CAMTA1: variants seen among roughly 807,000 people sequenced by gnomAD.
CAMTA1 encodes the protein calmodulin-binding transcription activator 1.
A neutral mutation model predicts 170.9 loss-of-function variants in CAMTA1; 27 were observed. The observed-to-expected ratio is 0.16, with a 90% CI of 0.12 to 0.22. The LOEUF is 0.22. Ranked by LOEUF, CAMTA1 falls within the 10% of genes least tolerant of loss-of-function variation. The pLI, the probability that CAMTA1 is intolerant of heterozygous loss-of-function variation, is 1.00. For missense variants in CAMTA1, 1,619 were observed against 2,217.2 expected (o/e 0.73, Z 5.42); for synonymous variants, 833 against 891.5 (o/e 0.93, Z 1.17).
intron 2 of CAMTA1, among the ~76,000 whole-genome samples, chr1:6,821,529 A>G (rs1646482501): frequency 6.6e-6 from 1 of 152,144 alleles, no homozygotes; most frequent in Non-Finnish European, 1.5e-5. Flanking sequence ...TCCCAATAAG[A>G]TTTAGCAATT....
chr1:6,926,982 TGGTCTCCCAAAGTGCTA>T (rs1014176098), intron 3 of CAMTA1, among the ~76,000 whole-genome samples: 7 of 152,042 alleles, frequency 4.6e-5, no homozygotes, highest in East Asian at 1.9e-4. Context: ...CCTCCTGCTT[TGGTCTCCCAAAGTGCTA>T]GGTCTCCCAA....
chr1:7,236,882 G>A (rs577912612), intron 4 of CAMTA1, among the ~76,000 whole-genome samples: 168 of 152,338 alleles, frequency 1.1e-3, no homozygotes, highest in African/African-American at 3.9e-3. Flanking sequence ...AATAAAGGGT[G>A]ACATTCCTCA....
chr1:7,663,347 C>T lies in CAMTA1; in HGVS notation c.806-6C>T, dbSNP rs1298164974. The T allele has an allele frequency of 6.7e-7, 1 of 1,498,492 alleles. No individual in the cohort carries two copies. The highest frequency in any genetic ancestry group is 1.4e-5 in the South Asian group (1 of 73,560). 92.8% of individuals were successfully genotyped at this position (1,498,492 alleles called of 1,614,324 possible). A position where few individuals can be genotyped will look rare whatever the true frequency, so the allele number is the denominator to read the frequency against. On this transcript the variant is annotated splice_region_variant and splice_polypyrimidine_tract_variant and intron_variant, in intron 8 of 22. Coordinates refer to ENST00000303635, the MANE Select transcript of CAMTA1 (RefSeq NM_015215.4). ...GCGTGCGCGTGTTGTGTTCCGATCT[C>T]CGCAGGAGCTGGCGGCAGCGTGCAT...
intron 11 of CAMTA1, among the ~76,000 whole-genome samples, chr1:7,701,420 T>C (rs944694365): frequency 2.6e-5 from 4 of 152,130 alleles, no homozygotes; most frequent in African/African-American, 9.7e-5. Flanking sequence ...TCTGCTTTTT[T>C]TCTCCCCCTT....
At chr1:7,509,259 C>T (rs993096218) in intron 6 of CAMTA1, among the ~76,000 whole-genome samples, 3 of 152,216 alleles carry the variant, frequency 2.0e-5, no homozygotes, top group South Asian at 2.1e-4. Flanking sequence ...AAAGCCTGGG[C>T]GCCTTTTCTC....
chr1:6,879,254 A>G (rs1190330905), intron 3 of CAMTA1, among the ~76,000 whole-genome samples: 1 of 152,240 alleles, frequency 6.6e-6, no homozygotes, highest in African/African-American at 2.4e-5. Flanking sequence ...GTAAGGAGAC[A>G]TACCAAACCC....
intron 6 of CAMTA1, among the ~76,000 whole-genome samples, chr1:7,492,815 A>ACG (rs1557805404): frequency 4.6e-5 from 6 of 131,190 alleles, no homozygotes; most frequent in African/African-American, 1.5e-4. Flanking sequence ...ACATGCGCGC[A>ACG]CAGACACACA....
chr1:7,391,633 C>G (rs539803950), intron 5 of CAMTA1, among the ~76,000 whole-genome samples: 16 of 152,112 alleles, frequency 1.1e-4, no homozygotes, highest in Non-Finnish European at 1.8e-4. Flanking sequence ...TCTATCAGCT[C>G]AAAAACTCAC....
At chr1:6,977,527 A>C (rs1693666644) in intron 3 of CAMTA1, among the ~76,000 whole-genome samples, 1 of 152,178 alleles carries the variant, frequency 6.6e-6, no homozygotes, top group African/African-American at 2.4e-5. Context: ...TTTTTAGTAC[A>C]GACGAGGTTT....
chr1:7,259,005 C>T (rs1024108419), intron 5 of CAMTA1, among the ~76,000 whole-genome samples: 7 of 152,108 alleles, frequency 4.6e-5, no homozygotes, highest in Non-Finnish European at 4.4e-5. Context: ...TCTTTTGCCA[C>T]CAGTAGGAGC....
At chr1:6,899,525 T>C (rs1557787240) in intron 3 of CAMTA1, among the ~76,000 whole-genome samples, 3 of 147,166 alleles carry the variant, frequency 2.0e-5, no homozygotes. Flanking sequence ...TGTTAAAAAA[T>C]TATATGTGTA....
At chr1:7,552,820 G>C (rs2094821136) in intron 6 of CAMTA1, among the ~76,000 whole-genome samples, 1 of 152,214 alleles carries the variant, frequency 6.6e-6, no homozygotes, top group South Asian at 2.1e-4. Context: ...GGCGTGCTCA[G>C]AGTTGACCTC....
chr1:7,498,461 CAGTG>C (rs972033755), intron 6 of CAMTA1, among the ~76,000 whole-genome samples: 14 of 143,798 alleles, frequency 9.7e-5, no homozygotes, highest in Admixed American at 3.4e-4. Flanking sequence ...ATGTGCATGA[CAGTG>C]TGTGTGGATG....
Position 7,585,324 on chromosome 1 carries a change from G to A in CAMTA1, c.511-55076G>A, listed in dbSNP as rs1311303319. 6.6e-6 allele frequency among the ~76,000 whole-genome samples: 1 copy of A among 152,202 alleles called. No homozygotes were observed. The highest frequency in any genetic ancestry group is 1.9e-4 in the East Asian group (1 of 5,190). On this transcript the variant is annotated intron_variant, in intron 6 of 22. Transcript: ENST00000303635. The surrounding 1 kb of genome is among the most constrained non-coding windows in gnomAD (Gnocchi z 4.8). ...AGCCAAGAAGAGGCCTCTGCGGAGG[G>A]GCACCTGGCAGAGCCCTGAGAGCGG...
chr1:7,319,850 A>C (rs180730088), intron 5 of CAMTA1, among the ~76,000 whole-genome samples: 1 of 147,488 alleles, frequency 6.8e-6, no homozygotes, highest in Admixed American at 6.7e-5. Context: ...TTTTGATGCT[A>C]TACTAAATCA....
rs577944173 is a variant in CAMTA1 at position 7,299,913 on chromosome 1, C to T, written c.438+50287C>T. ...GAGACCTAGAGTCTTAGAAGGGGCC[C>T]GTGCAACCAGAGGTGCCCCGAAAGC... is the stretch of plus-strand genomic sequence containing the variant. On this transcript the variant is annotated intron_variant, in intron 5 of 22. Transcript: ENST00000303635. The surrounding 1 kb of genome is among the most constrained non-coding windows in gnomAD (Gnocchi z 4.7). Among the ~76,000 whole-genome samples, 15 of 152,252 alleles carry T rather than the reference C, an allele frequency of 9.9e-5. No homozygotes were observed. The South Asian group carries it at 1.9e-3, about 19-fold the overall frequency.
chr1:7,537,212 T>C (rs1419629781), intron 6 of CAMTA1, among the ~76,000 whole-genome samples: 1 of 152,120 alleles, frequency 6.6e-6, no homozygotes, highest in Admixed American at 6.5e-5. Context: ...CGAAGCATGA[T>C]TGAGTGGATG....
At chr1:7,735,971 G>T (rs1259893752) in intron 12 of CAMTA1, among the ~76,000 whole-genome samples, 1 of 151,908 alleles carries the variant, frequency 6.6e-6, no homozygotes, top group Non-Finnish European at 1.5e-5. Flanking sequence ...TGGGGTTAGG[G>T]TTAGGGTTGG....
intron 5 of CAMTA1, among the ~76,000 whole-genome samples, chr1:7,459,182 G>T (rs1166771155): frequency 6.6e-6 from 1 of 152,184 alleles, no homozygotes; most frequent in Non-Finnish European, 1.5e-5. Flanking sequence ...GTCAGATGAC[G>T]CTTGTTTGAA....
Sources: allele counts gnomAD v4.1 joint callset (sites outside exome capture counted in the v4.1 genomes callset), GRCh38; gene constraint gnomAD v4.1.1; non-coding constraint Gnocchi (gnomAD v3.1); transcripts MANE v1.5; gene names NCBI Gene and HGNC (gene_info 2026-07-23, HGNC 2026-07-21).